Variants in PITX1 observed in about 807,000 individuals in gnomAD.
The protein encoded by PITX1 is pituitary homeobox 1.
Under a neutral mutation model 24.1 loss-of-function variants are expected in PITX1, and 5 were observed. That is an observed-to-expected ratio of 0.21 (90% CI 0.11 to 0.44). PITX1 has a LOEUF of 0.44. Among genes scored for constraint, PITX1 ranks in the 20% least tolerant of loss-of-function variants. The pLI is 0.99. For synonymous variants in PITX1, 213 were observed against 208.9 expected, an observed-to-expected ratio of 1.02 and a Z score of -0.17; for missense variants, 401 against 455.4, an observed-to-expected ratio of 0.88 and a Z score of 1.09.
At position 135,033,467 on chromosome 5, in the gene PITX1, C is replaced by G; in HGVS notation, c.169+246G>C. On this transcript the variant is annotated intron_variant, in intron 1 of 2. Transcript: ENST00000265340. This position sits in a 1 kb window ranked among gnomAD's most constrained non-coding sequence, Gnocchi z 5.9. ...GATCAAGAGGGGCTGTCAGTCCAAC[C>G]CTCCAGCTGTAGGCTCGTGCATCTG... 1 of 552,368 alleles carries G rather than the reference C, an allele frequency of 1.8e-6. No individual in the cohort carries two copies. Among genetic ancestry groups the G allele is most frequent in the Non-Finnish European group, 3.2e-6 (1 of 311,262 alleles). 34.2% of individuals were successfully genotyped at this position (552,368 alleles called of 1,614,324 possible). A position where few individuals can be genotyped will look rare whatever the true frequency, so the allele number is the denominator to read the frequency against.
At position 135,033,893 on chromosome 5, in the gene PITX1, C is replaced by T; in HGVS notation, c.-12G>A. 7 of 1,372,064 alleles carry T rather than the reference C, an allele frequency of 5.1e-6. No individual in the cohort carries two copies. The highest frequency in any genetic ancestry group is 6.5e-6 in the Non-Finnish European group (7 of 1,071,128). The allele number at this position is 1,372,064 out of a possible 1,614,324, so 85.0% of individuals were successfully genotyped here. A position where few individuals can be genotyped will look rare whatever the true frequency, so the allele number is the denominator to read the frequency against. On this transcript the variant is annotated 5_prime_UTR_variant, in exon 1 of 3. Transcript: ENST00000265340. This position sits in a 1 kb window ranked among gnomAD's most constrained non-coding sequence, Gnocchi z 5.9. ...TTGAAGGCGTCCATGGAGGTGGGGA[C>T]CGCGGCGGGCGCTCCAGGGGCCGGG... is the stretch of plus-strand genomic sequence containing the variant.
Position 135,028,703 on chromosome 5 carries a change from C to A in PITX1, c.*76G>T. 1 of 1,114,252 alleles carries A rather than the reference C, an allele frequency of 9.0e-7. No individual in the cohort carries two copies. Among genetic ancestry groups the A allele is most frequent in the Admixed American group, 4.5e-5 (1 of 22,212 alleles). 69.0% of individuals were successfully genotyped at this position (1,114,252 alleles called of 1,614,324 possible). ...TGAGCTGGGGCTTGCGAGCCGGGGC[C>A]CCGCGTGCGTCCTCCGCGCCCGCGC... On this transcript the variant is annotated 3_prime_UTR_variant, in exon 3 of 3. Transcript: ENST00000265340.
At position 135,028,801 on chromosome 5, in the gene PITX1, T is replaced by C. The variant is rs1312123736; in HGVS notation, c.923A>G (p.Asn308Ser). Reference protein sequence around the residue: ...GGLQGPASGLNACQYNS With the variant: ...GGLQGPASGLSACQYNS The stretch of plus-strand genomic sequence containing the variant: ...CGGTCAGCTGTTGTACTGGCACGCG[T>C]TGAGGCCCGAGGCCGGGCCCTGCAG... The change falls in exon 3 of 3, where the codon AAC (asparagine) becomes AGC (serine). Residue 308 changes from asparagine (N) to serine (S), a missense_variant. Physicochemically the swap from Asn to Ser is conservative, Grantham distance 46. Transcript: ENST00000265340. 2.6e-5 allele frequency: 41 copies of C among 1,607,620 alleles called. No individual in the cohort carries two copies. The highest frequency in any genetic ancestry group is 3.3e-5 in the Non-Finnish European group (39 of 1,178,190).
rs774275193 is a variant in PITX1, at chr5:135,029,168, C to A, written c.556G>T (p.Ala186Ser). The change falls in exon 3 of 3, where the codon GCC becomes TCC. Residue 186 changes from alanine to serine, a missense_variant. Transcript: ENST00000265340. ...AAGYSYNNWA[A>S]KSLAPAPLST... is the part of the protein sequence containing the mutation. ...AGCGGCGCTGGCGCCAGGCTCTTGG[C>A]GGCCCAGTTGTTGTAGGAGTAGCCG... 3 of 1,614,236 alleles carry A rather than the reference C, an allele frequency of 1.9e-6. No individual in the cohort carries two copies. The highest frequency in any genetic ancestry group is 2.2e-5 in the East Asian group (1 of 44,878).
rs1752441484 is a variant in PITX1, at chr5:135,031,269, T to C, written c.402+7A>G. On this transcript the variant is annotated splice_region_variant and intron_variant, in intron 2 of 2. Transcript: ENST00000265340. The stretch of plus-strand genomic sequence containing the variant: ...CGGGTGCCCTTAGGCGCGCACCCCT[T>C]GCTCACCCGCACGCGCGGCTCGGTG... The C allele has an allele frequency of 9.3e-6, 15 of 1,612,996 alleles. No individual in the cohort carries two copies. Among genetic ancestry groups the C allele is most frequent in the Non-Finnish European group, 1.3e-5 (15 of 1,179,050 alleles).
At position 135,028,874 on chromosome 5, in the gene PITX1, TGGC is replaced by T. The variant is rs1752399566; in HGVS notation, c.847_849del (p.Ala283del). On this transcript the variant is annotated inframe_deletion, in exon 3 of 3. Coordinates refer to ENST00000265340, the MANE Select transcript of PITX1 (RefSeq NM_002653.5). ...TGCTGTTTGGACTTGAGCCGCAGGC[TGGC>T]TAGGCTCGAGTTGCACGTGTCCCGG... 6.2e-7 allele frequency: 1 copy of T among 1,613,556 alleles called. No homozygotes were observed. The highest frequency in any genetic ancestry group is 1.3e-5 in the African/African-American group (1 of 74,916).
At position 135,033,888 on chromosome 5, in the gene PITX1, G is replaced by T; in HGVS notation, c.-7C>A. On this transcript the variant is annotated 5_prime_UTR_variant, in exon 1 of 3. Coordinates refer to ENST00000265340, the MANE Select transcript of PITX1 (RefSeq NM_002653.5). This position sits in a 1 kb window ranked among gnomAD's most constrained non-coding sequence, Gnocchi z 5.9. Reference sequence around the variant, plus strand: ...CCCCCTTGAAGGCGTCCATGGAGGTGGGGACCGCGGCGGGCGCTCCAGGGG... The same window carrying T: ...CCCCCTTGAAGGCGTCCATGGAGGTTGGGACCGCGGCGGGCGCTCCAGGGG... The T allele has an allele frequency of 7.2e-7, 1 of 1,381,932 alleles. No homozygotes were observed. Among genetic ancestry groups the T allele is most frequent in the South Asian group, 1.6e-5 (1 of 61,426 alleles). 85.6% of individuals were successfully genotyped at this position (1,381,932 alleles called of 1,614,324 possible).
rs143634749 is a variant in PITX1 at position 135,029,628 on chromosome 5, T to C, written c.403-307A>G. Among the ~76,000 whole-genome samples the C allele has an allele frequency of 1.0e-3, 156 of 152,316 alleles. 1 individual carries two copies. The highest frequency in any genetic ancestry group is 2.8e-3 in the African/African-American group (116 of 41,564). On this transcript the variant is annotated intron_variant, in intron 2 of 2. Transcript: ENST00000265340. Reference sequence around the variant, plus strand: ...TCTCTCAACCAGTTCACCTCTGCCTTCTCCCCCAAACAGGTTCGCTCTATC... The same window carrying C: ...TCTCTCAACCAGTTCACCTCTGCCTCCTCCCCCAAACAGGTTCGCTCTATC...
At position 135,030,662 on chromosome 5, in the gene PITX1, C is replaced by T. The variant is rs764674015; in HGVS notation, c.402+614G>A. Among the ~76,000 whole-genome samples the T allele has an allele frequency of 3.5e-4, 53 of 152,272 alleles. 1 individual carries two copies. Among genetic ancestry groups the T allele is most frequent in the Admixed American group, 1.8e-3 (27 of 15,294 alleles). On this transcript the variant is annotated intron_variant, in intron 2 of 2. Transcript: ENST00000265340. Reference sequence around the variant, plus strand: ...GGGACTGGGAAGGACATTTGGCTCCCGGAGCCACCCCCCACCTCACCTGAC... The same window carrying T: ...GGGACTGGGAAGGACATTTGGCTCCTGGAGCCACCCCCCACCTCACCTGAC...
At chr5:135,032,613 GTTAA>G (rs1752474430) in intron 1 of PITX1, among the ~76,000 whole-genome samples, 1 of 152,280 alleles carries the variant, frequency 6.6e-6, no homozygotes, top group East Asian at 1.9e-4. Flanking sequence ...CACTTCGTAC[GTTAA>G]TTCTTTCAGA....
At position 135,033,069 on chromosome 5, in the gene PITX1, G is replaced by T; in HGVS notation, c.169+644C>A. ...CGCGGAGGGAGACGCGCAGGAGCCG[G>T]GGCGGGGGCCAGAGCCGGGCTGCTC... is the stretch of plus-strand genomic sequence containing the variant. On this transcript the variant is annotated intron_variant, in intron 1 of 2. Transcript: ENST00000265340. This position sits in a 1 kb window ranked among gnomAD's most constrained non-coding sequence, Gnocchi z 5.9. 1 of 444,152 alleles carries T rather than the reference G, an allele frequency of 2.3e-6. No homozygotes were observed. The highest frequency in any genetic ancestry group is 1.6e-5 in the South Asian group (1 of 63,278). The allele number at this position is 444,152 out of a possible 1,614,324, so 27.5% of individuals were successfully genotyped here.
At chr5:135,032,915 G>A (rs1458171136) in intron 1 of PITX1, 5 of 434,920 alleles carry the variant, frequency 1.1e-5, no homozygotes, top group Non-Finnish European at 1.9e-5. Context: ...ACACCGGGGA[G>A]CTCGGAGCCC....
At chr5:135,031,850 A>C in intron 1 of PITX1, 3 of 386,776 alleles carry the variant, frequency 7.8e-6, no homozygotes, top group East Asian at 5.1e-5. Context: ...TGTTTTGCGA[A>C]CTCTTAGGGG....
chr5:135,029,240 G>A lies in PITX1; in HGVS notation c.484C>T (p.Pro162Ser). The A allele has an allele frequency of 6.2e-7, 1 of 1,613,582 alleles. No homozygotes were observed. The highest frequency in any genetic ancestry group is 1.1e-5 in the South Asian group (1 of 91,072). Reference sequence around the variant, plus strand: ...GGCTGCACTAGGCCGCTGAACTGCGGCACGTAGCCACCCTTGCACAGGTCC... The same window carrying A: ...GGCTGCACTAGGCCGCTGAACTGCGACACGTAGCCACCCTTGCACAGGTCC... ...QLDLCKGGYVPQFSGLVQPYE... is the reference protein window; with the variant it reads ...QLDLCKGGYVSQFSGLVQPYE... The change falls in exon 3 of 3, where the codon CCG becomes TCG. Residue 162 changes from proline to serine, a missense_variant. Coordinates refer to ENST00000265340, the MANE Select transcript of PITX1 (RefSeq NM_002653.5).
Position 135,033,486 on chromosome 5 carries a change from G to A in PITX1, c.169+227C>T. On this transcript the variant is annotated intron_variant, in intron 1 of 2. Transcript: ENST00000265340. This position sits in a 1 kb window ranked among gnomAD's most constrained non-coding sequence, Gnocchi z 5.9. ...TCCAACCCTCCAGCTGTAGGCTCGT[G>A]CATCTGCCAGTCTCTTGGCGCGTGG... 1.8e-6 allele frequency: 1 copy of A among 570,330 alleles called. No individual in the cohort carries two copies. The allele number at this position is 570,330 out of a possible 1,614,324, so 35.3% of individuals were successfully genotyped here.
upstream of PITX1, chr5:135,034,480 C>T (rs951177470): frequency 6.6e-6 from 1 of 152,288 alleles, no homozygotes; most frequent in African/African-American, 2.4e-5. Flanking sequence ...CCGCGCCTCT[C>T]CCTCCTTCCC....
Position 135,028,096 on chromosome 5 carries a change from GGGCTCCGGGGCGCGGGGCCAGCGA to G in PITX1, c.*659_*682del, listed in dbSNP as rs1451013680. The G allele has an allele frequency of 6.6e-6, 1 of 152,400 alleles. No individual in the cohort carries two copies. The highest frequency in any genetic ancestry group is 1.5e-5 in the Non-Finnish European group (1 of 68,198). 9.4% of individuals were successfully genotyped at this position (152,400 alleles called of 1,614,324 possible). A position where few individuals can be genotyped will look rare whatever the true frequency, so the allele number is the denominator to read the frequency against. ...GCTGTCGCTCCGTGGCCTTAATATA[GGGCTCCGGGGCGCGGGGCCAGCGA>G]GGCTCTACCAGGCGCGCCGGGGCCG... On this transcript the variant is annotated 3_prime_UTR_variant, in exon 3 of 3. Coordinates refer to ENST00000265340, the MANE Select transcript of PITX1 (RefSeq NM_002653.5).
chr5:135,028,657 G>A lies in PITX1; in HGVS notation c.*122C>T, dbSNP rs1356650087. On this transcript the variant is annotated 3_prime_UTR_variant, in exon 3 of 3. Coordinates refer to ENST00000265340, the MANE Select transcript of PITX1 (RefSeq NM_002653.5). ...GGAAGTGGGAGGAGGGGGCTGCGCA[G>A]GTGTGAGGTCCGCGGCGCGGTGAGC... 4.4e-5 allele frequency: 25 copies of A among 567,438 alleles called. No individual in the cohort carries two copies. Among genetic ancestry groups the A allele is most frequent in the Non-Finnish European group, 7.6e-6 (3 of 396,996 alleles). 35.2% of individuals were successfully genotyped at this position (567,438 alleles called of 1,614,324 possible).
In PITX1 at chr5:135,034,022, C is replaced by T. The variant is rs1288487025; in HGVS notation, c.-141G>A. The T allele has an allele frequency of 2.6e-6, 1 of 382,164 alleles. No homozygotes were observed. Among genetic ancestry groups the T allele is most frequent in the Non-Finnish European group, 4.1e-6 (1 of 244,214 alleles). The allele number at this position is 382,164 out of a possible 1,614,324, so 23.7% of individuals were successfully genotyped here. Reference sequence around the variant, plus strand: ...CCGGCGCCTGCAGCGACGCCGTGCCCGCCCCATGGACCGCCCGGGGCTGCG... The same window carrying T: ...CCGGCGCCTGCAGCGACGCCGTGCCTGCCCCATGGACCGCCCGGGGCTGCG... On this transcript the variant is annotated 5_prime_UTR_variant, in exon 1 of 3. Coordinates refer to ENST00000265340, the MANE Select transcript of PITX1 (RefSeq NM_002653.5).
Sources: allele counts gnomAD v4.1 joint callset (sites outside exome capture counted in the v4.1 genomes callset), GRCh38; gene constraint gnomAD v4.1.1; non-coding constraint Gnocchi (gnomAD v3.1); transcripts MANE v1.5; gene names NCBI Gene and HGNC (gene_info 2026-07-23, HGNC 2026-07-21).